The following MTSS1 variants were observed in gnomAD, a reference collection of about 807,000 sequenced individuals.
MTSS1 encodes MTSS I-BAR domain containing 1.
In MTSS1, 18 loss-of-function variants were observed where a neutral mutation model predicts 79.0. That is an observed-to-expected ratio of 0.23 (90% CI 0.16 to 0.34). The LOEUF is 0.34. Ranked by LOEUF, MTSS1 falls within the 10% of genes least tolerant of loss-of-function variation. The pLI is 1.00. For synonymous variants in MTSS1, 341 were observed against 368.6 expected, an observed-to-expected ratio of 0.93 and a Z score of 0.86; for missense variants, 815 against 986.2, an observed-to-expected ratio of 0.83 and a Z score of 2.33.
chr8:124,695,950 CG>C (rs1300626855), intron 3 of MTSS1, among the ~76,000 whole-genome samples: 2 of 150,202 alleles, frequency 1.3e-5, no homozygotes, highest in Non-Finnish European at 2.9e-5. Flanking sequence ...CCGGGAGGGG[CG>C]GGGAAGTGGG....
intron 1 of MTSS1, among the ~76,000 whole-genome samples, chr8:124,710,199 AC>A (rs1830959273): frequency 6.6e-6 from 1 of 152,166 alleles, no homozygotes; most frequent in Non-Finnish European, 1.5e-5. Context: ...CCAGGGCAAG[AC>A]CCAGGGTGGG....
chr8:124,648,709 G>GCTC (rs1554694497), intron 3 of MTSS1, among the ~76,000 whole-genome samples: 2 of 147,776 alleles, frequency 1.4e-5, no homozygotes, highest in African/African-American at 5.2e-5. Flanking sequence ...CCAAATAGCA[G>GCTC]CCCCCCCCCA....
intron 12 of MTSS1, 39 bp from the exon 13 acceptor site, chr8:124,555,943 G>T (rs750586784): frequency 2.3e-4 from 168 of 721,738 alleles, no homozygotes; most frequent in East Asian, 1.6e-3. Flanking sequence ...GTTGCTTTAG[G>T]GGGGGGGCTC....
chr8:124,567,978 G>A, intron 7 of MTSS1: 2 of 1,341,772 alleles, frequency 1.5e-6, no homozygotes, highest in Non-Finnish European at 1.9e-6. Context: ...ACAACAGTGA[G>A]TCTCAAAACC....
chr8:124,712,105 A>C (rs1432387806), intron 1 of MTSS1, among the ~76,000 whole-genome samples: 2 of 151,910 alleles, frequency 1.3e-5, no homozygotes, highest in Non-Finnish European at 2.9e-5. Context: ...AGCTGTTGGC[A>C]CTTGTGGTAT....
intron 3 of MTSS1, among the ~76,000 whole-genome samples, chr8:124,697,819 A>T (rs1829093295): frequency 6.6e-6 from 1 of 152,218 alleles, no homozygotes; most frequent in Admixed American, 6.5e-5. Flanking sequence ...ACTGGTTAAG[A>T]TCCACACCAA....
In MTSS1 at chr8:124,683,406, T is replaced by C. The variant is rs1826449118; in HGVS notation, c.208+16120A>G. ...ATAGATATATACGTATATACACATA[T>C]AGATATGTACACATATATACAGATA... On this transcript the variant is annotated intron_variant, in intron 3 of 13. Transcript: ENST00000518547. This position sits in a 1 kb window ranked among gnomAD's most constrained non-coding sequence, Gnocchi z 4.5. 6.6e-6 allele frequency among the ~76,000 whole-genome samples: 1 copy of C among 152,208 alleles called. No individual in the cohort carries two copies. Among genetic ancestry groups the C allele is most frequent in the South Asian group, 2.1e-4 (1 of 4,832 alleles).
rs749907945 is a variant in MTSS1, at chr8:124,591,105, A to C, written c.293+46T>G. Reference sequence around the variant, plus strand: ...CACACATGACTGCTTCCTTAACCTGAAATCTGCAAGGGTGTTGGCGATCGG... The same window carrying C: ...CACACATGACTGCTTCCTTAACCTGCAATCTGCAAGGGTGTTGGCGATCGG... On this transcript the variant is annotated intron_variant, in intron 4 of 13. Coordinates refer to ENST00000518547, the MANE Select transcript of MTSS1 (RefSeq NM_014751.6). The C allele has an allele frequency of 7.2e-6, 11 of 1,524,120 alleles. No individual in the cohort carries two copies. In the South Asian group the frequency reaches 1.2e-4, roughly 17 times the overall value. 94.4% of individuals were successfully genotyped at this position (1,524,120 alleles called of 1,614,324 possible).
intron 3 of MTSS1, among the ~76,000 whole-genome samples, chr8:124,617,983 A>T (rs954003827): frequency 5.3e-5 from 8 of 152,172 alleles, no homozygotes; most frequent in African/African-American, 1.9e-4. Flanking sequence ...TGAATTATTT[A>T]CGTGGGTTAT....
chr8:124,723,725 C>A (rs570903415), intron 1 of MTSS1, among the ~76,000 whole-genome samples: 2 of 152,264 alleles, frequency 1.3e-5, no homozygotes, highest in African/African-American at 4.8e-5. Flanking sequence ...AGCTGTAAAA[C>A]CCTGGCCAAA....
At chr8:124,651,653 G>A (rs1381456124) in intron 3 of MTSS1, among the ~76,000 whole-genome samples, 1 of 152,112 alleles carries the variant, frequency 6.6e-6, no homozygotes, top group African/African-American at 2.4e-5. Flanking sequence ...CGGTTTTCCT[G>A]GGACATAAGT....
intron 7 of MTSS1, 93 bp downstream of exon 7, chr8:124,568,286 A>C (rs1325968417): frequency 7.0e-7 from 1 of 1,419,774 alleles, no homozygotes; most frequent in Non-Finnish European, 9.6e-7. Flanking sequence ...CTGACAGTAG[A>C]TTCTCCATGA....
chr8:124,561,565 A>C (rs1193686159), intron 10 of MTSS1, among the ~76,000 whole-genome samples: 1 of 151,904 alleles, frequency 6.6e-6, no homozygotes, highest in East Asian at 1.9e-4. Flanking sequence ...CCCCATCCAC[A>C]CTCACAGTCT....
intron 3 of MTSS1, among the ~76,000 whole-genome samples, chr8:124,655,860 G>T (rs1259629290): frequency 6.6e-6 from 1 of 152,168 alleles, no homozygotes; most frequent in Non-Finnish European, 1.5e-5. Flanking sequence ...GTAGACAAAG[G>T]CCATAGTAAA....
intron 3 of MTSS1, among the ~76,000 whole-genome samples, chr8:124,621,280 A>G (rs549461461): frequency 6.6e-6 from 1 of 152,364 alleles, no homozygotes; most frequent in African/African-American, 2.4e-5. Flanking sequence ...AAATAATTCA[A>G]TTAAATATTT....
chr8:124,596,891 CT>C (rs1004347135), intron 3 of MTSS1, among the ~76,000 whole-genome samples: 8 of 152,052 alleles, frequency 5.3e-5, no homozygotes, highest in Admixed American at 1.3e-4. Flanking sequence ...GTGTGTGTGT[CT>C]AAATTTCCCT....
chr8:124,694,061 C>T (rs567721290), intron 3 of MTSS1, among the ~76,000 whole-genome samples: 3 of 152,078 alleles, frequency 2.0e-5, no homozygotes, highest in African/African-American at 7.2e-5. Flanking sequence ...TTCTAACTAC[C>T]GCATATAGAC....
intron 6 of MTSS1, among the ~76,000 whole-genome samples, chr8:124,581,147 TTCTC>T (rs149880017): frequency 6.6e-6 from 1 of 152,020 alleles, no homozygotes; most frequent in East Asian, 1.9e-4. Context: ...AATGTTCCAG[TTCTC>T]TCTCTCTCAA....
intron 6 of MTSS1, among the ~76,000 whole-genome samples, chr8:124,570,284 C>T (rs1448868485): frequency 6.6e-6 from 1 of 152,152 alleles, no homozygotes; most frequent in Non-Finnish European, 1.5e-5. Context: ...GTATATAACT[C>T]TCATCAGTCA....
Sources: gnomAD v4.1 joint callset for allele counts (sites outside exome capture counted in the v4.1 genomes callset) on GRCh38, gnomAD v4.1.1 for gene constraint, Gnocchi (gnomAD v3.1) non-coding constraint, MANE v1.5 for transcripts, NCBI Gene and HGNC (gene_info 2026-07-23, HGNC 2026-07-21) for gene names.